SKI: variants seen among roughly 807,000 people sequenced by gnomAD.
SKI encodes SKI proto-oncogene.
A neutral mutation model predicts 59.3 loss-of-function variants in SKI; 23 were observed. The ratio of observed to expected loss-of-function variants is 0.39; its 90% CI spans 0.28 to 0.55. SKI has a LOEUF of 0.55. Among genes scored for constraint, SKI ranks in the 20% least tolerant of loss-of-function variants. SKI has a pLI of 0.67. For missense variants in SKI, 1,017 were observed against 1,038.9 expected (o/e 0.98, Z 0.29); for synonymous variants, 673 against 488.6 (o/e 1.38, Z -4.98).
chr1:2,291,001 C>T (rs1569831964), intron 1 of SKI, among the ~76,000 whole-genome samples: 1 of 152,144 alleles, frequency 6.6e-6, no homozygotes, highest in Non-Finnish European at 1.5e-5. Flanking sequence ...GGCAGCCAGG[C>T]GGCCATTACG....
At chr1:2,300,414 G>A (rs1640396164) in intron 1 of SKI, among the ~76,000 whole-genome samples, 1 of 151,734 alleles carries the variant, frequency 6.6e-6, no homozygotes, top group African/African-American at 2.4e-5. Context: ...CACACCAGAG[G>A]CAAGCGGTCG....
At chr1:2,288,521 G>A (rs1569825420) in intron 1 of SKI, among the ~76,000 whole-genome samples, 1 of 152,356 alleles carries the variant, frequency 6.6e-6, no homozygotes, top group Middle Eastern at 3.4e-3. Context: ...TCCTGTGGGA[G>A]TGGCTCTTTT....
chr1:2,302,223 C>T (rs1044549709), intron 1 of SKI, among the ~76,000 whole-genome samples: 22 of 151,988 alleles, frequency 1.4e-4, no homozygotes, highest in Non-Finnish European at 2.6e-4. Flanking sequence ...CCTCCACCAG[C>T]GGGACCTGGT....
intron 1 of SKI, among the ~76,000 whole-genome samples, chr1:2,249,081 A>G (rs927810832): frequency 6.6e-6 from 1 of 152,226 alleles, no homozygotes; most frequent in Non-Finnish European, 1.5e-5. Flanking sequence ...CCAGTGGCAG[A>G]TGCGGTCGAG....
At position 2,304,527 on chromosome 1, in the gene SKI, G is replaced by A. The variant is rs1203082758; in HGVS notation, c.1709G>A (p.Arg570His). ...EKFLHEVVKM[R>H]VKQEEKLSAA... ...TTCCTGCATGAGGTGGTCAAGATGCGCGTGAAGCAGGAGGAGAAGCTCAGC... is the reference window on the plus strand; with the variant it reads ...TTCCTGCATGAGGTGGTCAAGATGCACGTGAAGCAGGAGGAGAAGCTCAGC... The change falls in exon 5 of 7, where the codon CGC becomes CAC. Residue 570 changes from arginine to histidine, a missense_variant. Arg to His is a conservative substitution (Grantham distance 29). Coordinates refer to ENST00000378536, the MANE Select transcript of SKI (RefSeq NM_003036.4). 5.7e-6 allele frequency: 9 copies of A among 1,581,196 alleles called. No homozygotes were observed. Among genetic ancestry groups the A allele is most frequent in the African/African-American group, 2.7e-5 (2 of 73,920 alleles).
At chr1:2,274,175 C>G (rs1639691749) in intron 1 of SKI, among the ~76,000 whole-genome samples, 2 of 152,170 alleles carry the variant, frequency 1.3e-5, no homozygotes, top group African/African-American at 2.4e-5. Flanking sequence ...GGCTGGACTC[C>G]TTTTCCCTTT....
chr1:2,276,642 G>A (rs1639749591), intron 1 of SKI, among the ~76,000 whole-genome samples: 2 of 152,266 alleles, frequency 1.3e-5, no homozygotes, highest in Non-Finnish European at 2.9e-5. Context: ...GGCTCACTGT[G>A]TGGGGCTGGG....
intron 1 of SKI, among the ~76,000 whole-genome samples, chr1:2,231,693 C>T (rs533219920): frequency 6.6e-6 from 1 of 152,356 alleles, no homozygotes; most frequent in African/African-American, 2.4e-5. Context: ...TGAGTGACTG[C>T]GTCCTCTAGG....
chr1:2,300,681 C>T (rs533622733), intron 1 of SKI, among the ~76,000 whole-genome samples: 1 of 152,344 alleles, frequency 6.6e-6, no homozygotes, highest in East Asian at 1.9e-4. Flanking sequence ...TTCTCTGATG[C>T]TGCAGAGAGC....
chr1:2,230,457 GC>G (rs1019983349), intron 1 of SKI, among the ~76,000 whole-genome samples: 31 of 152,322 alleles, frequency 2.0e-4, no homozygotes, highest in South Asian at 1.2e-3. Flanking sequence ...CGGCTGAGGG[GC>G]CTGGTCAGCA....
In SKI at chr1:2,309,652, G is replaced by A. The variant is rs1640696426; in HGVS notation, c.*2887G>A. 1 of 149,770 alleles carries A rather than the reference G, an allele frequency of 6.7e-6. No individual in the cohort carries two copies. Among genetic ancestry groups the A allele is most frequent in the South Asian group, 2.1e-4 (1 of 4,724 alleles). The allele number at this position is 149,770 out of a possible 1,614,324, so 9.3% of individuals were successfully genotyped here. On this transcript the variant is annotated 3_prime_UTR_variant, in exon 7 of 7. Coordinates refer to ENST00000378536, the MANE Select transcript of SKI (RefSeq NM_003036.4). ...CCCATGTGACCCCCTCCTCCCTGTG[G>A]GTCTGAGCCCCGGCCCCCCCCACCT...
In SKI at chr1:2,306,878, C is replaced by T; in HGVS notation, c.*113C>T. 1.4e-6 allele frequency: 1 copy of T among 705,174 alleles called. No homozygotes were observed. The highest frequency in any genetic ancestry group is 3.3e-5 in the South Asian group (1 of 30,626). 43.7% of individuals were successfully genotyped at this position (705,174 alleles called of 1,614,324 possible). On this transcript the variant is annotated 3_prime_UTR_variant, in exon 7 of 7. Coordinates refer to ENST00000378536, the MANE Select transcript of SKI (RefSeq NM_003036.4). ...GCAGCCCACACAGCACAACGTCTTACCGTGCCTATTACCAAGCGAGTGTTT... is the reference window on the plus strand; with the variant it reads ...GCAGCCCACACAGCACAACGTCTTATCGTGCCTATTACCAAGCGAGTGTTT...
intron 1 of SKI, among the ~76,000 whole-genome samples, chr1:2,241,740 A>G (rs10910033): frequency 0.13 from 19,217 of 152,148 alleles, 2,295 homozygotes; most frequent in East Asian, 0.61. Flanking sequence ...CTTATTTCAT[A>G]TTTAAGTGTT....
chr1:2,230,126 C>T (rs1487163026), intron 1 of SKI, among the ~76,000 whole-genome samples: 2 of 152,190 alleles, frequency 1.3e-5, no homozygotes, highest in African/African-American at 4.8e-5. Flanking sequence ...ATGCCTCAGG[C>T]CCAGGTCTTT....
chr1:2,298,252 G>C (rs1011838289), intron 1 of SKI, among the ~76,000 whole-genome samples: 15 of 152,300 alleles, frequency 9.8e-5, no homozygotes, highest in African/African-American at 2.9e-4. Context: ...CTGGGGTCCC[G>C]GGGTGACTGA....
At chr1:2,293,589 CTCGAGCA>C in intron 1 of SKI, among the ~76,000 whole-genome samples, 2 of 152,326 alleles carry the variant, frequency 1.3e-5, no homozygotes, top group East Asian at 1.9e-4. Flanking sequence ...GAAAGTTCTG[CTCGAGCA>C]TCTGGTATCT....
In SKI at chr1:2,269,063, C is replaced by T. The variant is rs1284144761; in HGVS notation, c.970-33915C>T. On this transcript the variant is annotated intron_variant, in intron 1 of 6. Transcript: ENST00000378536. The surrounding 1 kb of genome is among the most constrained non-coding windows in gnomAD (Gnocchi z 4.7). ...GGTTCAAGTGATCCTCCCACCTCAG[C>T]CTCATGAGTAGCCGAGACTACAGGC... Among the ~76,000 whole-genome samples the T allele has an allele frequency of 6.6e-6, 1 of 152,158 alleles. No individual in the cohort carries two copies. Among genetic ancestry groups the T allele is most frequent in the Non-Finnish European group, 1.5e-5 (1 of 68,034 alleles).
intron 1 of SKI, among the ~76,000 whole-genome samples, chr1:2,279,695 A>G: frequency 6.6e-6 from 1 of 152,194 alleles, no homozygotes; most frequent in East Asian, 1.9e-4. Context: ...AGCCCCACAG[A>G]CAGAACAGTT....
In SKI at chr1:2,303,906, G is replaced by A; in HGVS notation, c.1278G>A (p.Gln426=). 1.9e-6 allele frequency: 3 copies of A among 1,612,292 alleles called. No individual in the cohort carries two copies. Among genetic ancestry groups the A allele is most frequent in the Non-Finnish European group, 2.5e-6 (3 of 1,179,790 alleles). The change falls in exon 4 of 7, where the codon CAG becomes CAA. Residue 426 remains glutamine (Q), a synonymous_variant. Coordinates refer to ENST00000378536, the MANE Select transcript of SKI (RefSeq NM_003036.4). The surrounding 1 kb of genome is among the most constrained non-coding windows in gnomAD (Gnocchi z 5.6). ...APNVALAPPA[Q]QKVVSSPPCA... is the part of the protein sequence containing the mutation. ...ACGTGGCCCTCGCACCGCCGGCCCA[G>A]CAGAAGGTTGTGAGCAGCCCTCCGT...
Sources: allele counts gnomAD v4.1 joint callset (sites outside exome capture counted in the v4.1 genomes callset), GRCh38; gene constraint gnomAD v4.1.1; non-coding constraint Gnocchi (gnomAD v3.1); transcripts MANE v1.5; gene names NCBI Gene and HGNC (gene_info 2026-07-23, HGNC 2026-07-21).